Variants in TBXA2R observed in about 807,000 individuals in gnomAD.
TBXA2R encodes prostanoid TP receptor.
TBXA2R carries 15 observed loss-of-function variants against 15.6 expected under a neutral mutation model. The ratio of observed to expected loss-of-function variants is 0.96; its 90% confidence interval spans 0.64 to 1.48. The LOEUF is 1.48. Ranked by LOEUF, TBXA2R falls within the 40% of genes most tolerant of loss-of-function variation. TBXA2R has a pLI of 0.00. For missense variants in TBXA2R, 506 were observed against 491.4 expected (o/e 1.03, Z -0.28); for synonymous variants, 280 against 241.2 (o/e 1.16, Z -1.49).
chr19:3,598,097 G>C (rs908410161), intron 2 of TBXA2R: 1 of 152,392 alleles, frequency 6.6e-6, no homozygotes, highest in African/African-American at 2.4e-5. Flanking sequence ...ACAGCATGGG[G>C]TGGGCAAAGC....
chr19:3,604,173 A>C (rs2032787584), intron 1 of TBXA2R, among the ~76,000 whole-genome samples: 2 of 152,148 alleles, frequency 1.3e-5, no homozygotes, highest in Admixed American at 6.5e-5. Context: ...CAAGAGGCTG[A>C]GGTCCTGCAA....
intron 2 of TBXA2R, among the ~76,000 whole-genome samples, chr19:3,598,920 T>C (rs71339052): frequency 0.52 from 78,611 of 151,902 alleles, 20,956 homozygotes; most frequent in African/African-American, 0.55. Context: ...TGCCCGCCTC[T>C]GCCTCACAAA....
At chr19:3,596,941 A>ATT (rs377397198) in intron 2 of TBXA2R, among the ~76,000 whole-genome samples, 3 of 142,282 alleles carry the variant, frequency 2.1e-5, no homozygotes, top group Non-Finnish European at 3.1e-5. Flanking sequence ...TTGATGGGAA[A>ATT]TTTTTTTTTT....
At position 3,595,388 on chromosome 19, in the gene TBXA2R, AT is replaced by A; in HGVS notation, c.*299del. On this transcript the variant is annotated 3_prime_UTR_variant, in exon 3 of 3. Transcript: ENST00000375190. ...AGCAAGACTCCGTCTAAAAAAAAAA[AT>A]AGCAATGCAAGACCCTCTTCCAATG... The A allele has an allele frequency of 3.6e-6, 5 of 1,373,638 alleles. No individual in the cohort carries two copies. The highest frequency in any genetic ancestry group is 4.7e-6 in the Non-Finnish European group (5 of 1,069,278). The allele number at this position is 1,373,638 out of a possible 1,614,324, so 85.1% of individuals were successfully genotyped here.
chr19:3,606,349 G>C (rs1252594966), intron 1 of TBXA2R, among the ~76,000 whole-genome samples, 181 bp downstream of exon 1: 2 of 152,174 alleles, frequency 1.3e-5, no homozygotes, highest in African/African-American at 4.8e-5. Flanking sequence ...GGCGCCCAGG[G>C]CAGGCCTCAG....
At chr19:3,603,139 C>T (rs1329481857) in intron 1 of TBXA2R, among the ~76,000 whole-genome samples, 1 of 152,204 alleles carries the variant, frequency 6.6e-6, no homozygotes, top group Non-Finnish European at 1.5e-5. Context: ...GGCCCTGAGG[C>T]AGGGCCTGGG....
chr19:3,596,338 C>A (rs1304656538), intron 2 of TBXA2R, among the ~76,000 whole-genome samples: 3 of 152,046 alleles, frequency 2.0e-5, no homozygotes, highest in African/African-American at 7.2e-5. Flanking sequence ...CCAGTGTCCA[C>A]TCTGTTACTG....
chr19:3,606,746 C>T lies in TBXA2R; in HGVS notation c.-300G>A, dbSNP rs2032843838. On this transcript the variant is annotated 5_prime_UTR_variant, in exon 1 of 3. The change creates a new upstream start codon in the 5' untranslated region. Transcript: ENST00000375190. ...AGGGGCGGGCCCAGCAGAGGACCCA[C>T]ACAGATGGAGGGCGTGGCGGCACAG... is the stretch of plus-strand genomic sequence containing the variant. 6.6e-6 allele frequency: 1 copy of T among 152,400 alleles called. No homozygotes were observed. The highest frequency in any genetic ancestry group is 2.1e-4 in the South Asian group (1 of 4,838). The allele number at this position is 152,400 out of a possible 1,614,324, so 9.4% of individuals were successfully genotyped here.
At chr19:3,602,834 A>G (rs1241018391) in intron 1 of TBXA2R, among the ~76,000 whole-genome samples, 1 of 151,706 alleles carries the variant, frequency 6.6e-6, no homozygotes, top group Non-Finnish European at 1.5e-5. Context: ...CAGGAGATCG[A>G]GACCATCCTG....
Position 3,600,508 on chromosome 19 carries a change from G to C in TBXA2R, c.127C>G (p.Leu43Val), listed in dbSNP as rs1343129262. Residue 43 changes from leucine (L) to valine (V), a missense_variant, in exon 2 of 3, where the codon CTG (leucine) becomes GTG (valine). By Grantham distance (32) the Leu-to-Val change is conservative (BLOSUM62 1). Coordinates refer to ENST00000375190, the MANE Select transcript of TBXA2R (RefSeq NM_001060.6). ...SFCVVGLASN[L>V]LALSVLAGAR... ...CCCGCCAGCACGCTCAGGGCCAGCA[G>C]GTTGGAGGCCAGGCCCACCACGCAG... 16 of 1,612,730 alleles carry C rather than the reference G, an allele frequency of 9.9e-6. No homozygotes were observed. The highest frequency in any genetic ancestry group is 1.4e-5 in the Non-Finnish European group (16 of 1,179,528).
rs1452537997 is a variant in TBXA2R at position 3,601,536 on chromosome 19, C to A, written c.-83-819G>T. Among the ~76,000 whole-genome samples the A allele has an allele frequency of 2.2e-3, 329 of 148,186 alleles. 1 individual carries two copies. Among genetic ancestry groups the A allele is most frequent in the African/African-American group, 7.8e-3 (315 of 40,504 alleles). ...AGACCCTGTCTCAAAAAAAAAAAAACCAACCAACCAACAAACAAAAACGCT... is the reference window on the plus strand; with the variant it reads ...AGACCCTGTCTCAAAAAAAAAAAAAACAACCAACCAACAAACAAAAACGCT... On this transcript the variant is annotated intron_variant, in intron 1 of 2. Transcript: ENST00000375190.
Position 3,594,973 on chromosome 19 carries a change from G to C in TBXA2R, c.*715C>G, listed in dbSNP as rs201880077. On this transcript the variant is annotated 3_prime_UTR_variant, in exon 3 of 3. Coordinates refer to ENST00000375190, the MANE Select transcript of TBXA2R (RefSeq NM_001060.6). ...CTTACGCCTGTAATCCCAGCTGCTCGGGAGGCTGAGGCACGAGAATCGCTT... is the reference window on the plus strand; with the variant it reads ...CTTACGCCTGTAATCCCAGCTGCTCCGGAGGCTGAGGCACGAGAATCGCTT... The C allele has an allele frequency of 7.8e-6, 12 of 1,531,228 alleles. No individual in the cohort carries two copies. In the Admixed American group the frequency reaches 1.2e-4, roughly 15 times the overall value. The allele number at this position is 1,531,228 out of a possible 1,614,324, so 94.9% of individuals were successfully genotyped here.
At chr19:3,604,781 A>T (rs750428254) in intron 1 of TBXA2R, among the ~76,000 whole-genome samples, 2 of 152,044 alleles carry the variant, frequency 1.3e-5, no homozygotes, top group Non-Finnish European at 2.9e-5. Context: ...GGCTGTACTC[A>T]CAGCTCAACT....
At chr19:3,603,561 C>G (rs1270257014) in intron 1 of TBXA2R, among the ~76,000 whole-genome samples, 32 of 152,176 alleles carry the variant, frequency 2.1e-4, no homozygotes, top group Admixed American at 2.1e-3. Context: ...CTCGGCTGTC[C>G]CTGCGGCCAC....
At chr19:3,596,011 G>A in intron 2 of TBXA2R, 78 bp from the exon 3 acceptor site, 1 of 1,514,832 alleles carries the variant, frequency 6.6e-7, no homozygotes. Flanking sequence ...GGTCCCTTGA[G>A]ATCCAGGGTC....
In TBXA2R at chr19:3,594,660, G is replaced by T. The variant is rs199700698; in HGVS notation, c.*1028C>A. The T allele has an allele frequency of 7.4e-6, 4 of 539,718 alleles. No individual in the cohort carries two copies. The highest frequency in any genetic ancestry group is 1.3e-5 in the Non-Finnish European group (4 of 305,460). The allele number at this position is 539,718 out of a possible 1,614,324, so 33.4% of individuals were successfully genotyped here. ...TTAGGAAACACTCAAGAAACAAGGT[G>T]GGGGAGGAACCGAATCCTCTATGTC... On this transcript the variant is annotated 3_prime_UTR_variant, in exon 3 of 3. Coordinates refer to ENST00000375190, the MANE Select transcript of TBXA2R (RefSeq NM_001060.6).
chr19:3,601,069 A>T (rs1246147218), intron 1 of TBXA2R, among the ~76,000 whole-genome samples: 3 of 151,000 alleles, frequency 2.0e-5, no homozygotes, highest in Non-Finnish European at 3.0e-5. Context: ...CTCCATTTTC[A>T]TGGTGTCGGT....
chr19:3,602,288 G>A (rs1255948213), intron 1 of TBXA2R, among the ~76,000 whole-genome samples: 6 of 152,158 alleles, frequency 3.9e-5, no homozygotes, highest in Admixed American at 3.3e-4. Flanking sequence ...GAGGGTTGTG[G>A]CTGGTTGTAA....
chr19:3,599,382 T>G (rs1159028590), intron 2 of TBXA2R, among the ~76,000 whole-genome samples: 6 of 151,000 alleles, frequency 4.0e-5, no homozygotes, highest in Non-Finnish European at 8.8e-5. Context: ...CAGGCTGGAG[T>G]GCAGTGGCGC....
Sources: allele counts gnomAD v4.1 joint callset (sites outside exome capture counted in the v4.1 genomes callset), GRCh38; gene constraint gnomAD v4.1.1; transcripts MANE v1.5; gene names NCBI Gene and HGNC (gene_info 2026-07-23, HGNC 2026-07-21).